Variants in COA1 observed in about 807,000 individuals in gnomAD.
The protein encoded by COA1 is cytochrome c oxidase assembly factor 1 homolog.
COA1 carries 13 observed loss-of-function variants against 16.0 expected under a neutral mutation model. That is an observed-to-expected ratio of 0.81 (90% confidence interval 0.53 to 1.29). The LOEUF is 1.29. Ranked by LOEUF, COA1 falls within the 50% of genes most tolerant of loss-of-function variation. The pLI, the probability that COA1 is intolerant of heterozygous loss-of-function variation, is 0.00. For synonymous variants in COA1, 65 were observed against 65.7 expected (o/e 0.99, Z 0.05); for missense variants, 179 against 177.0 (o/e 1.01, Z -0.06).
At chr7:43,616,319 C>T (rs35408818) in intron 6 of COA1, among the ~76,000 whole-genome samples, 22,279 of 152,084 alleles carry the variant, frequency 0.15, 2,176 homozygotes, top group Non-Finnish European at 0.21. Flanking sequence ...GACAGTAGGG[C>T]GTTCTTATTG....
intron 1 of COA1, among the ~76,000 whole-genome samples, chr7:43,715,893 C>T (rs1172442925): frequency 2.0e-5 from 3 of 152,222 alleles, no homozygotes; most frequent in South Asian, 2.1e-4. Context: ...GGCAGTTTTC[C>T]GATAGTGAAT....
chr7:43,639,149 A>AATT (rs2086453292), downstream of COA1: 1 of 152,872 alleles, frequency 6.5e-6, no homozygotes, highest in Non-Finnish European at 1.5e-5. Flanking sequence ...TCAGGTCAAT[A>AATT]ATTTAGAAAA....
intron 6 of COA1, among the ~76,000 whole-genome samples, chr7:43,633,775 G>A (rs2085417275): frequency 6.6e-6 from 1 of 151,836 alleles, no homozygotes; most frequent in Non-Finnish European, 1.5e-5. Flanking sequence ...AGGTTCATTT[G>A]TTTTTGACAA....
At chr7:43,635,137 A>ATAAC (rs2085651052), downstream of COA1, among the ~76,000 whole-genome samples, 1 of 152,180 alleles carries the variant, frequency 6.6e-6, no homozygotes, top group Non-Finnish European at 1.5e-5. Context: ...GCTTATAAAT[A>ATAAC]TAACTTTTAT....
chr7:43,626,079 TATCCTTACACACA>T (rs1241452753), intron 6 of COA1: 3 of 152,144 alleles, frequency 2.0e-5, no homozygotes, highest in African/African-American at 7.2e-5. Context: ...AGTAACTAAT[TATCCTTACACACA>T]AAAGGCTCAG....
intron 1 of COA1, among the ~76,000 whole-genome samples, chr7:43,685,793 T>C (rs569366910): frequency 6.6e-6 from 1 of 152,350 alleles, no homozygotes; most frequent in South Asian, 2.1e-4. Context: ...GTTTTTTAAG[T>C]GGTAGGGTTA....
At chr7:43,631,781 C>T (rs1289742295) in intron 6 of COA1, 1 of 152,180 alleles carries the variant, frequency 6.6e-6, no homozygotes, top group Non-Finnish European at 1.5e-5. Flanking sequence ...AGTTCCAGAC[C>T]ACTGCAATAA....
At chr7:43,691,273 G>GAAAAGA (rs202059399) in intron 1 of COA1, among the ~76,000 whole-genome samples, 1,760 of 29,836 alleles carry the variant, frequency 0.059, 57 homozygotes, top group Middle Eastern at 0.091. Flanking sequence ...AGAAAAGAAA[G>GAAAAGA]AAAGAAAGAA....
intron 4 of COA1, chr7:43,641,758 T>C (rs1284109497): frequency 6.6e-6 from 1 of 152,100 alleles, no homozygotes; most frequent in Non-Finnish European, 1.5e-5. Flanking sequence ...GCCATGCCCA[T>C]GCTCAGGGAG....
intron 1 of COA1, among the ~76,000 whole-genome samples, chr7:43,719,920 A>G (rs1265743688): frequency 6.6e-6 from 1 of 152,232 alleles, no homozygotes; most frequent in Non-Finnish European, 1.5e-5. Flanking sequence ...GCCACATCAC[A>G]GAACAGGGAG....
chr7:43,694,766 T>C (rs1563397163), intron 1 of COA1, among the ~76,000 whole-genome samples: 1 of 152,216 alleles, frequency 6.6e-6, no homozygotes, highest in South Asian at 2.1e-4. Flanking sequence ...CACTCCTCTA[T>C]ACTGACATTT....
chr7:43,694,799 T>C (rs939138379), intron 1 of COA1, among the ~76,000 whole-genome samples: 5 of 152,164 alleles, frequency 3.3e-5, no homozygotes, highest in African/African-American at 1.2e-4. Flanking sequence ...CCTCTTTGTA[T>C]TCCAGGCTCA....
chr7:43,687,364 C>T (rs2130795366), intron 1 of COA1, among the ~76,000 whole-genome samples: 1 of 152,216 alleles, frequency 6.6e-6, no homozygotes, highest in Non-Finnish European at 1.5e-5. Flanking sequence ...AAAGTGCTTC[C>T]TCGATAGCTT....
At chr7:43,686,430 C>G (rs2094033567) in intron 1 of COA1, among the ~76,000 whole-genome samples, 2 of 151,526 alleles carry the variant, frequency 1.3e-5, no homozygotes, top group Non-Finnish European at 2.9e-5. Context: ...CCTCAGCCTC[C>G]CGAGTAGCTG....
intron 6 of COA1, among the ~76,000 whole-genome samples, chr7:43,617,988 G>A (rs901184001): frequency 2.6e-5 from 4 of 152,256 alleles, no homozygotes; most frequent in African/African-American, 9.6e-5. Flanking sequence ...TAAGGGAGGG[G>A]TCCAGAAAAA....
chr7:43,713,938 C>T (rs554299881), intron 1 of COA1, among the ~76,000 whole-genome samples: 48 of 152,090 alleles, frequency 3.2e-4, no homozygotes, highest in African/African-American at 1.1e-3. Context: ...ACTCAAGAGG[C>T]TGAGGCAGAA....
At chr7:43,634,038 A>G (rs1453005183) in intron 6 of COA1, among the ~76,000 whole-genome samples, 1 of 152,070 alleles carries the variant, frequency 6.6e-6, no homozygotes, top group Non-Finnish European at 1.5e-5. Context: ...CAATTCTAAA[A>G]TTTCCATTTG....
At chr7:43,657,696 ATAG>A (rs2091923682) in intron 1 of COA1, among the ~76,000 whole-genome samples, 1 of 151,848 alleles carries the variant, frequency 6.6e-6, no homozygotes, top group Non-Finnish European at 1.5e-5. Flanking sequence ...TAAAAAAAAA[ATAG>A]GGTGTTAAGA....
At chr7:43,656,949 CTT>C (rs2091808849) in intron 1 of COA1, among the ~76,000 whole-genome samples, 1 of 151,972 alleles carries the variant, frequency 6.6e-6, no homozygotes, top group Non-Finnish European at 1.5e-5. Flanking sequence ...AATCCCAGCA[CTT>C]TGGGAGTCCA....
Sources: allele counts gnomAD v4.1 joint callset (sites outside exome capture counted in the v4.1 genomes callset), GRCh38; gene constraint gnomAD v4.1.1; transcripts MANE v1.5; gene names NCBI Gene and HGNC (gene_info 2026-07-23, HGNC 2026-07-21).